RMND1: variants seen among roughly 807,000 people sequenced by gnomAD.
RMND1 encodes the protein required for meiotic nuclear division protein 1 homolog.
In RMND1, 41 loss-of-function variants were observed where a neutral mutation model predicts 54.0. The observed-to-expected ratio is 0.76, with a 90% CI of 0.59 to 0.98. The LOEUF (loss-of-function observed/expected upper bound fraction) is 0.98, where lower values mean the gene tolerates loss of function less well. Among genes scored for constraint, RMND1 ranks in the 50% least tolerant of loss-of-function variants. The pLI, the probability that RMND1 is intolerant of heterozygous loss-of-function variation, is 0.00. For synonymous variants in RMND1, 183 were observed against 181.7 expected (o/e 1.01, Z -0.06); for missense variants, 457 against 532.0 (o/e 0.86, Z 1.39).
chr6:151,433,290 CACCTATAA>C, intron 3 of RMND1, 60 bp from the exon 4 acceptor site: 1 of 1,001,496 alleles, frequency 1.0e-6, no homozygotes, highest in Non-Finnish European at 1.6e-6. Context: ...TTGTAAGAGT[CACCTATAA>C]ACACTGTAAT....
intron 10 of RMND1, chr6:151,411,632 G>A (rs1047050726): frequency 4.6e-5 from 7 of 152,244 alleles, no homozygotes; most frequent in African/African-American, 1.7e-4. Flanking sequence ...TTGCAGACTT[G>A]ACTTCAGTAA....
intron 1 of RMND1, among the ~76,000 whole-genome samples, chr6:151,446,348 A>G (rs76363440): frequency 0.18 from 27,751 of 151,658 alleles, 2,596 homozygotes; most frequent in South Asian, 0.22. Context: ...TGGGAGGATC[A>G]CTTGAGCCCA....
rs371676064 is a variant in RMND1 at position 151,421,352 on chromosome 6, A to G, written c.1003-31T>C. 1.9e-4 allele frequency: 281 copies of G among 1,513,304 alleles called. No homozygotes were observed. In the African/African-American group the frequency reaches 3.7e-3, roughly 20 times the overall value. 93.7% of individuals were successfully genotyped at this position (1,513,304 alleles called of 1,614,324 possible). ...TGAGAGGGAATCGGAAAAACCAAAA[A>G]ACCATGTATCTCTCTTTCTAATAAG... On this transcript the variant is annotated intron_variant, in intron 8 of 11. Coordinates refer to ENST00000444024, the MANE Select transcript of RMND1 (RefSeq NM_017909.4).
At chr6:151,414,379 A>G (rs1020609890) in intron 10 of RMND1, among the ~76,000 whole-genome samples, 13 of 152,226 alleles carry the variant, frequency 8.5e-5, no homozygotes, top group Non-Finnish European at 1.9e-4. Flanking sequence ...AGGACCTTGT[A>G]TATCAAGCCA....
chr6:151,408,260 C>T (rs1321894111), intron 10 of RMND1, among the ~76,000 whole-genome samples: 1 of 151,978 alleles, frequency 6.6e-6, no homozygotes, highest in Non-Finnish European at 1.5e-5. Flanking sequence ...TTTGGGAGGC[C>T]AAGGCAGGCG....
At chr6:151,443,038 T>C (rs1448235946) in intron 2 of RMND1, among the ~76,000 whole-genome samples, 1 of 152,164 alleles carries the variant, frequency 6.6e-6, no homozygotes, top group Non-Finnish European at 1.5e-5. Context: ...AAAGTCCACA[T>C]GCTTTCTGAC....
chr6:151,449,133 C>T lies in RMND1; in HGVS notation c.-15+2883G>A, dbSNP rs967101467. Among the ~76,000 whole-genome samples the T allele has an allele frequency of 4.2e-4, 62 of 146,676 alleles. 1 individual carries two copies. Among genetic ancestry groups the T allele is most frequent in the Non-Finnish European group, 8.5e-4 (57 of 67,454 alleles). ...CCTGTAACCCCAGCATTTTGGGAGGCCGAGGCGGGTGATTCACAAGGTCAG... is the reference window on the plus strand; with the variant it reads ...CCTGTAACCCCAGCATTTTGGGAGGTCGAGGCGGGTGATTCACAAGGTCAG... On this transcript the variant is annotated intron_variant, in intron 1 of 11. Coordinates refer to ENST00000444024, the MANE Select transcript of RMND1 (RefSeq NM_017909.4).
At chr6:151,444,564 C>G (rs532199532) in intron 2 of RMND1, 1 of 152,256 alleles carries the variant, frequency 6.6e-6, no homozygotes, top group South Asian at 2.1e-4. Flanking sequence ...GACAGACATT[C>G]TAACCTGTTT....
chr6:151,435,756 A>T (rs533481824), intron 3 of RMND1, among the ~76,000 whole-genome samples: 1 of 148,136 alleles, frequency 6.8e-6, no homozygotes, highest in South Asian at 2.2e-4. Flanking sequence ...GAGCTGGTAA[A>T]TTTTTTTTTT....
At chr6:151,450,829 G>T (rs984221022) in intron 1 of RMND1, among the ~76,000 whole-genome samples, 1 of 152,162 alleles carries the variant, frequency 6.6e-6, no homozygotes, top group African/African-American at 2.4e-5. Flanking sequence ...AAGTAGACAT[G>T]GGAGACTTTT....
intron 2 of RMND1, among the ~76,000 whole-genome samples, chr6:151,441,151 A>G (rs1023802939): frequency 3.9e-5 from 6 of 152,226 alleles, no homozygotes; most frequent in East Asian, 3.8e-4. Context: ...AGAAATCTAC[A>G]TATGATTCTT....
At chr6:151,450,822 T>G (rs1205572384) in intron 1 of RMND1, among the ~76,000 whole-genome samples, 13 of 152,112 alleles carry the variant, frequency 8.5e-5, no homozygotes, top group Non-Finnish European at 1.9e-4. Flanking sequence ...TAGAAAGAAG[T>G]AGACATGGGA....
At chr6:151,411,047 C>T (rs1779816835) in intron 10 of RMND1, among the ~76,000 whole-genome samples, 1 of 152,178 alleles carries the variant, frequency 6.6e-6, no homozygotes, top group African/African-American at 2.4e-5. Context: ...GGAACCTTTG[C>T]CTCCCAAGTT....
At chr6:151,436,345 A>G in intron 3 of RMND1, 101 bp downstream of exon 3, 2 of 1,362,936 alleles carry the variant, frequency 1.5e-6, no homozygotes, top group Non-Finnish European at 2.0e-6. Flanking sequence ...AATCCTTTCA[A>G]AAGAAAATGA....
intron 6 of RMND1, among the ~76,000 whole-genome samples, chr6:151,427,266 C>T (rs1739554118): frequency 6.6e-6 from 1 of 152,000 alleles, no homozygotes; most frequent in Non-Finnish European, 1.5e-5. Context: ...GTCCCACTTA[C>T]TCAGGAGGCT....
chr6:151,405,986 C>A, intron 10 of RMND1, 150 bp from the exon 11 acceptor site: 1 of 482,838 alleles, frequency 2.1e-6, no homozygotes, highest in South Asian at 4.0e-5. Flanking sequence ...GTGAATCCGT[C>A]CAGAGACATT....
At chr6:151,410,364 TG>T (rs942817888) in intron 10 of RMND1, among the ~76,000 whole-genome samples, 6 of 152,128 alleles carry the variant, frequency 3.9e-5, no homozygotes, top group African/African-American at 7.2e-5. Flanking sequence ...CTGTTCCATC[TG>T]TTTTCTTAGA....
At chr6:151,407,731 C>A (rs532857556) in intron 10 of RMND1, among the ~76,000 whole-genome samples, 8 of 152,118 alleles carry the variant, frequency 5.3e-5, no homozygotes, top group African/African-American at 1.9e-4. Flanking sequence ...CAGGGTAAAA[C>A]CCCATCTCTA....
At chr6:151,434,423 T>C (rs1200550957) in intron 3 of RMND1, among the ~76,000 whole-genome samples, 1 of 150,750 alleles carries the variant, frequency 6.6e-6, no homozygotes, top group Non-Finnish European at 1.5e-5. Flanking sequence ...TTTTTTTTTT[T>C]CTAAATTGTT....
Sources: allele counts gnomAD v4.1 joint callset (sites outside exome capture counted in the v4.1 genomes callset), GRCh38; gene constraint gnomAD v4.1.1; transcripts MANE v1.5; gene names NCBI Gene and HGNC (gene_info 2026-07-23, HGNC 2026-07-21).